Variants in NRG3 observed in about 807,000 individuals in gnomAD.
NRG3 encodes neuregulin 3, also known as pro-neuregulin-3, membrane-bound isoform.
In NRG3, 31 loss-of-function variants were observed where a neutral mutation model predicts 66.9. The ratio of observed to expected loss-of-function variants is 0.46; its 90% CI spans 0.35 to 0.63. The LOEUF (loss-of-function observed/expected upper bound fraction) is 0.63, where lower values mean the gene tolerates loss of function less well. Ranked by LOEUF, NRG3 falls within the 20% of genes least tolerant of loss-of-function variation. NRG3 has a pLI of 0.00. For missense variants in NRG3, 910 were observed against 878.9 expected, an observed-to-expected ratio of 1.04 and a Z score of -0.45; for synonymous variants, 393 against 359.4, an observed-to-expected ratio of 1.09 and a Z score of -1.06.
At chr10:82,292,346 G>T (rs897256324) in intron 1 of NRG3, among the ~76,000 whole-genome samples, 3 of 152,124 alleles carry the variant, frequency 2.0e-5, no homozygotes, top group African/African-American at 4.8e-5. Context: ...ATTCTGACAG[G>T]CATGCAGAGA....
chr10:81,937,569 A>T (rs1191784373), intron 1 of NRG3, among the ~76,000 whole-genome samples: 1 of 152,066 alleles, frequency 6.6e-6, no homozygotes, highest in Non-Finnish European at 1.5e-5. Flanking sequence ...AAAGGTATTT[A>T]TTCAAGTTGT....
At chr10:82,948,655 A>G (rs868485464) in intron 4 of NRG3, among the ~76,000 whole-genome samples, 1 of 152,026 alleles carries the variant, frequency 6.6e-6, no homozygotes, top group Non-Finnish European at 1.5e-5. Flanking sequence ...ATCTCTATGT[A>G]TTTTACATGC....
At chr10:82,078,445 C>T (rs975340567) in intron 1 of NRG3, among the ~76,000 whole-genome samples, 2 of 152,048 alleles carry the variant, frequency 1.3e-5, no homozygotes, top group East Asian at 1.9e-4. Flanking sequence ...CCGCCTCCCG[C>T]GTTCATGCCA....
chr10:81,894,388 A>T (rs1451919884), intron 1 of NRG3, among the ~76,000 whole-genome samples: 1 of 152,126 alleles, frequency 6.6e-6, no homozygotes, highest in Non-Finnish European at 1.5e-5. Flanking sequence ...ATTTCTGGAG[A>T]CTGGAAGTCC....
chr10:82,111,586 A>G (rs921910160), intron 1 of NRG3, among the ~76,000 whole-genome samples: 2 of 152,118 alleles, frequency 1.3e-5, no homozygotes, highest in African/African-American at 4.8e-5. Flanking sequence ...CAGCATTTTC[A>G]TTGACCAAGA....
intron 1 of NRG3, among the ~76,000 whole-genome samples, chr10:82,132,597 G>C (rs1172664203): frequency 7.7e-6 from 1 of 130,706 alleles, no homozygotes; most frequent in African/African-American, 2.7e-5. Flanking sequence ...TAGAAGTTTG[G>C]AAGTATTTCC....
intron 2 of NRG3, among the ~76,000 whole-genome samples, chr10:82,475,537 T>C (rs1195237652): frequency 2.0e-5 from 3 of 152,080 alleles, no homozygotes; most frequent in Non-Finnish European, 4.4e-5. Flanking sequence ...AGAAGTAAAC[T>C]TTTACATATA....
chr10:82,316,967 G>A (rs1393881535), intron 1 of NRG3, among the ~76,000 whole-genome samples: 1 of 152,176 alleles, frequency 6.6e-6, no homozygotes, highest in Non-Finnish European at 1.5e-5. Context: ...TCTAGCTCAT[G>A]TGTTCAGCGT....
chr10:82,262,369 C>A (rs903527156), intron 1 of NRG3, among the ~76,000 whole-genome samples: 1 of 152,140 alleles, frequency 6.6e-6, no homozygotes, highest in Admixed American at 6.6e-5. Flanking sequence ...CAAAAATGGC[C>A]GCATACAGGA....
Position 82,048,291 on chromosome 10 carries a change from T to C in NRG3, c.823+172128T>C, listed in dbSNP as rs2063408909. ...AACTCTCCACCCCAAATCAACAGAA[T>C]ATACATTTTTTTCAGCACCACACCA... On this transcript the variant is annotated intron_variant, in intron 1 of 8. Transcript: ENST00000372141. Among the ~76,000 whole-genome samples the C allele has an allele frequency of 3.3e-5, 5 of 151,572 alleles. No individual in the cohort carries two copies. The South Asian group carries it at 1.0e-3, about 32-fold the overall frequency.
intron 1 of NRG3, among the ~76,000 whole-genome samples, chr10:82,127,623 G>A (rs1486272332): frequency 6.6e-6 from 1 of 152,000 alleles, no homozygotes; most frequent in Non-Finnish European, 1.5e-5. Context: ...AATATGCACA[G>A]TAAACCTGAG....
At chr10:82,193,911 C>T (rs2074306089) in intron 1 of NRG3, among the ~76,000 whole-genome samples, 2 of 152,182 alleles carry the variant, frequency 1.3e-5, no homozygotes, top group African/African-American at 2.4e-5. Flanking sequence ...AGATAAACAT[C>T]AGGAACAGAA....
intron 3 of NRG3, among the ~76,000 whole-genome samples, chr10:82,752,790 G>T (rs936228164): frequency 6.6e-6 from 1 of 152,120 alleles, no homozygotes; most frequent in African/African-American, 2.4e-5. Flanking sequence ...GCAAGAAGAC[G>T]CAGTATAAGT....
intron 3 of NRG3, among the ~76,000 whole-genome samples, chr10:82,807,152 C>A (rs549564225): frequency 6.6e-6 from 1 of 152,264 alleles, no homozygotes; most frequent in African/African-American, 2.4e-5. Flanking sequence ...CAATTTCTTT[C>A]CCTCTAATCA....
chr10:82,537,523 A>C (rs2043243674), intron 2 of NRG3, among the ~76,000 whole-genome samples: 1 of 152,276 alleles, frequency 6.6e-6, no homozygotes, highest in East Asian at 1.9e-4. Flanking sequence ...GATAAGAGTC[A>C]GTTAGATTTA....
At chr10:82,391,632 A>G (rs116161588) in intron 2 of NRG3, among the ~76,000 whole-genome samples, 491 of 152,300 alleles carry the variant, frequency 3.2e-3, no homozygotes, top group African/African-American at 0.011. Flanking sequence ...AGGAATGACT[A>G]TGACCCACCT....
chr10:82,096,426 A>G (rs1338044337), intron 1 of NRG3, among the ~76,000 whole-genome samples: 2 of 152,068 alleles, frequency 1.3e-5, no homozygotes, highest in East Asian at 3.9e-4. Context: ...CAGTGAGCCG[A>G]GATTGCACTC....
chr10:82,919,038 G>A (rs889373653), intron 4 of NRG3, among the ~76,000 whole-genome samples: 2 of 150,650 alleles, frequency 1.3e-5, no homozygotes, highest in Non-Finnish European at 3.0e-5. Flanking sequence ...CCTTTTATCT[G>A]GTAGGTAAGC....
intron 2 of NRG3, among the ~76,000 whole-genome samples, chr10:82,396,955 G>A (rs1490661571): frequency 1.3e-5 from 2 of 152,128 alleles, no homozygotes; most frequent in Non-Finnish European, 2.9e-5. Flanking sequence ...AGAATCTGTA[G>A]TCTCTGTTTC....
Sources: allele counts gnomAD v4.1 joint callset (sites outside exome capture counted in the v4.1 genomes callset), GRCh38; gene constraint gnomAD v4.1.1; transcripts MANE v1.5; gene names NCBI Gene and HGNC (gene_info 2026-07-23, HGNC 2026-07-21).